CACNA1I: variants seen among roughly 807,000 people sequenced by gnomAD.
CACNA1I encodes the protein voltage-dependent T-type calcium channel subunit alpha-1I.
CACNA1I carries 74 observed loss-of-function variants against 201.6 expected under a neutral mutation model. That is an observed-to-expected ratio of 0.37 (90% CI 0.30 to 0.45). CACNA1I has a LOEUF of 0.45. Ranked by LOEUF, CACNA1I falls within the 20% of genes least tolerant of loss-of-function variation. CACNA1I has a pLI of 1.00. For synonymous variants in CACNA1I, 1,431 were observed against 1,345.2 expected, an observed-to-expected ratio of 1.06 and a Z score of -1.40; for missense variants, 2,346 against 3,138.1, an observed-to-expected ratio of 0.75 and a Z score of 6.03.
chr22:39,672,224 G>A lies in CACNA1I; in HGVS notation c.4565G>A (p.Cys1522Tyr). The A allele has an allele frequency of 2.5e-6, 4 of 1,613,620 alleles. No homozygotes were observed. Among genetic ancestry groups the A allele is most frequent in the Non-Finnish European group, 3.4e-6 (4 of 1,179,620 alleles). ...TCCCTGGAGACAGCCCTCAAGTACT[G>A]CAACTATATGTTCACCACTGTCTTT... ...PTSLETALKY[C>Y]NYMFTTVFVL... Residue 1522 changes from cysteine to tyrosine, a missense_variant, in exon 27 of 37, where the codon TGC becomes TAC. By Grantham distance (194) the Cys-to-Tyr change is radical (BLOSUM62 -2). This residue lies in a region of CACNA1I where 228 missense variants were observed against 395.7 expected (regional missense o/e 0.58). Coordinates refer to ENST00000402142, the MANE Select transcript of CACNA1I (RefSeq NM_021096.4).
intron 10 of CACNA1I, among the ~76,000 whole-genome samples, chr22:39,653,739 AG>A (rs1934730617): frequency 6.6e-6 from 1 of 152,174 alleles, no homozygotes; most frequent in African/African-American, 2.4e-5. Context: ...GTTAGATTGC[AG>A]TTGCTCAAGC....
intron 4 of CACNA1I, among the ~76,000 whole-genome samples, chr22:39,630,934 C>T (rs926109020): frequency 2.9e-4 from 44 of 152,058 alleles, no homozygotes; most frequent in South Asian, 1.7e-3. Context: ...ATGCTGGGAG[C>T]TGCCAGTCAG....
In CACNA1I at chr22:39,591,425, G is replaced by A. The variant is rs190432738; in HGVS notation, c.237-6726G>A. On this transcript the variant is annotated intron_variant, in intron 1 of 36. Transcript: ENST00000402142. ...GATCTGCTCACCCCGGCCTCCCAAA[G>A]TGCTGGGATTACAGATGTGAGCCAC... Among the ~76,000 whole-genome samples the A allele has an allele frequency of 2.6e-5, 4 of 152,198 alleles. No individual in the cohort carries two copies. The East Asian group carries it at 7.7e-4, about 29-fold the overall frequency.
intron 3 of CACNA1I, among the ~76,000 whole-genome samples, chr22:39,606,070 C>T (rs1353684823): frequency 6.6e-6 from 1 of 152,126 alleles, no homozygotes; most frequent in African/African-American, 2.4e-5. Flanking sequence ...CCAGCCTTCC[C>T]ACCATTTGTC....
At chr22:39,611,817 G>T (rs1601816221) in intron 3 of CACNA1I, among the ~76,000 whole-genome samples, 1 of 152,260 alleles carries the variant, frequency 6.6e-6, no homozygotes, top group East Asian at 1.9e-4. Context: ...GTTCCCACCT[G>T]CCTGGGTTCT....
At chr22:39,607,456 A>G (rs1933253693) in intron 3 of CACNA1I, among the ~76,000 whole-genome samples, 1 of 152,226 alleles carries the variant, frequency 6.6e-6, no homozygotes, top group Admixed American at 6.5e-5. Flanking sequence ...CCAAACGCCC[A>G]GGTGGCCCTG....
At chr22:39,675,687 T>C (rs558373350) in intron 29 of CACNA1I, among the ~76,000 whole-genome samples, 23 of 152,262 alleles carry the variant, frequency 1.5e-4, no homozygotes, top group African/African-American at 5.5e-4. Context: ...CACCAGTCTC[T>C]GCCCCAAGAA....
Position 39,686,045 on chromosome 22 carries a change from C to A in CACNA1I, c.6312C>A (p.Asp2104Glu). 8.1e-7 allele frequency: 1 copy of A among 1,237,100 alleles called. No homozygotes were observed. Among genetic ancestry groups the A allele is most frequent in the Non-Finnish European group, 1.0e-6 (1 of 994,406 alleles). 76.6% of individuals were successfully genotyped at this position (1,237,100 alleles called of 1,614,324 possible). A position where few individuals can be genotyped will look rare whatever the true frequency, so the allele number is the denominator to read the frequency against. The change falls in exon 37 of 37, where the codon GAC (aspartate) becomes GAA (glutamate). Residue 2104 changes from aspartate (D) to glutamate (E), a missense_variant. Around this residue, in one of 13 missense-constraint regions of CACNA1I, gnomAD observed 441 missense variants for 555.6 expected, o/e 0.79. Coordinates refer to ENST00000402142, the MANE Select transcript of CACNA1I (RefSeq NM_021096.4). ...GCTGCACCCACCACGACTCCATGGACCCCTCGGACGAGGAGGGCCGCGGTG... is the reference window on the plus strand; with the variant it reads ...GCTGCACCCACCACGACTCCATGGAACCCTCGGACGAGGAGGGCCGCGGTG... ...SPGCTHHDSM[D>E]PSDEEGRGGA...
In CACNA1I at chr22:39,684,331, T is replaced by C; in HGVS notation, c.5860T>C (p.Ser1954Pro). The change falls in exon 36 of 37, where the codon TCC becomes CCC. Residue 1954 changes from serine to proline, a missense_variant. Physicochemically the swap from Ser to Pro is moderately conservative, Grantham distance 74 (BLOSUM62 -1). Coordinates refer to ENST00000402142, the MANE Select transcript of CACNA1I (RefSeq NM_021096.4). The surrounding 1 kb of genome is among the most constrained non-coding windows in gnomAD (Gnocchi z 4.6). ...CCCAAGTCCCTTCTCCCCGGATGCCTCCAGCCCTCTCCTGCCCATGCCAGC... is the reference window on the plus strand; with the variant it reads ...CCCAAGTCCCTTCTCCCCGGATGCCCCCAGCCCTCTCCTGCCCATGCCAGC... ...APPSPFSPDA[S>P]SPLLPMPAEF... 1.2e-6 allele frequency: 2 copies of C among 1,613,356 alleles called. No homozygotes were observed. Among genetic ancestry groups the C allele is most frequent in the East Asian group, 2.2e-5 (1 of 44,844 alleles).
At chr22:39,577,533 T>C (rs1932399229) in intron 1 of CACNA1I, among the ~76,000 whole-genome samples, 1 of 152,254 alleles carries the variant, frequency 6.6e-6, no homozygotes, top group African/African-American at 2.4e-5. Context: ...TGGCTCGTGT[T>C]CATCCATTGT....
chr22:39,663,654 G>T, intron 18 of CACNA1I, 64 bp from the exon 19 acceptor site: 1 of 1,600,190 alleles, frequency 6.2e-7, no homozygotes, highest in Non-Finnish European at 8.5e-7. Flanking sequence ...TGGGCCCTCT[G>T]CCTTCCTTCT....
At position 39,686,110 on chromosome 22, in the gene CACNA1I, C is replaced by A; in HGVS notation, c.6377C>A (p.Thr2126Asn). ...GGGAGSEHSE[T>N]LSSLSLTSLF... The stretch of plus-strand genomic sequence containing the variant: ...GGCGCGGGCAGCGAGCACTCGGAGA[C>A]CCTCAGCAGCCTCTCGCTCACCTCC... The change falls in exon 37 of 37, where the codon ACC becomes AAC. Residue 2126 changes from threonine (T) to asparagine (N), a missense_variant. By Grantham distance (65) the Thr-to-Asn change is moderately conservative. Coordinates refer to ENST00000402142, the MANE Select transcript of CACNA1I (RefSeq NM_021096.4). 1 of 1,256,792 alleles carries A rather than the reference C, an allele frequency of 8.0e-7. No individual in the cohort carries two copies. The allele number at this position is 1,256,792 out of a possible 1,614,324, so 77.9% of individuals were successfully genotyped here. A position where few individuals can be genotyped will look rare whatever the true frequency, so the allele number is the denominator to read the frequency against.
At chr22:39,621,713 G>A (rs1253243181) in intron 4 of CACNA1I, among the ~76,000 whole-genome samples, 1 of 152,148 alleles carries the variant, frequency 6.6e-6, no homozygotes, top group Non-Finnish European at 1.5e-5. Flanking sequence ...TGAGGGTCTT[G>A]GGGAAGGGTT....
rs760533645 is a variant in CACNA1I, at chr22:39,658,153, C to T, written c.1994C>T (p.Pro665Leu). 9.9e-6 allele frequency: 16 copies of T among 1,613,692 alleles called. No individual in the cohort carries two copies. Among genetic ancestry groups the T allele is most frequent in the South Asian group, 5.5e-5 (5 of 91,062 alleles). ...VSMGIEHHEQ[P>L]EELTNILEIC... ...ATTCCCCACCCCAATGCCCCACAGCCGGAGGAGCTGACCAACATCCTGGAG... is the reference window on the plus strand; with the variant it reads ...ATTCCCCACCCCAATGCCCCACAGCTGGAGGAGCTGACCAACATCCTGGAG... The change falls in exon 11 of 37, where the codon CCG becomes CTG. Residue 665 changes from proline (P) to leucine (L), a missense_variant and splice_region_variant. Transcript: ENST00000402142.
At chr22:39,653,667 G>T (rs1261272036) in intron 10 of CACNA1I, among the ~76,000 whole-genome samples, 1 of 152,248 alleles carries the variant, frequency 6.6e-6, no homozygotes, top group Non-Finnish European at 1.5e-5. Context: ...AGGCGAGGGT[G>T]TGACATCTGT....
At chr22:39,619,695 G>T (rs933583084) in intron 4 of CACNA1I, among the ~76,000 whole-genome samples, 4 of 152,182 alleles carry the variant, frequency 2.6e-5, no homozygotes, top group Non-Finnish European at 5.9e-5. Context: ...GGGACGAAGA[G>T]TTTATGGGAG....
intron 1 of CACNA1I, among the ~76,000 whole-genome samples, chr22:39,577,008 G>A (rs1055159175): frequency 5.9e-5 from 9 of 152,074 alleles, no homozygotes; most frequent in African/African-American, 2.2e-4. Context: ...CTGGAGTGCA[G>A]TGGTGCGATC....
chr22:39,677,201 G>T lies in CACNA1I; in HGVS notation c.4855-140G>T. 1 of 612,540 alleles carries T rather than the reference G, an allele frequency of 1.6e-6. No homozygotes were observed. Among genetic ancestry groups the T allele is most frequent in the Non-Finnish European group, 2.9e-6 (1 of 342,672 alleles). 37.9% of individuals were successfully genotyped at this position (612,540 alleles called of 1,614,324 possible). A position where few individuals can be genotyped will look rare whatever the true frequency, so the allele number is the denominator to read the frequency against. On this transcript the variant is annotated intron_variant, in intron 29 of 36. Transcript: ENST00000402142. This position sits in a 1 kb window ranked among gnomAD's most constrained non-coding sequence, Gnocchi z 4.8. ...AGGTCCTGTAGGGGTGGCAGACGTG[G>T]ACACACAGCCTGGGGGAATGTTACA...
At chr22:39,683,809 T>C (rs115896352) in intron 35 of CACNA1I, among the ~76,000 whole-genome samples, 2,216 of 150,758 alleles carry the variant, frequency 0.015, 53 homozygotes, top group African/African-American at 0.051. Flanking sequence ...CCATCCAGTG[T>C]AGCGCCTGAC....
Sources: allele counts gnomAD v4.1 joint callset (sites outside exome capture counted in the v4.1 genomes callset), GRCh38; gene constraint gnomAD v4.1.1; regional missense constraint gnomAD v4.1.1; non-coding constraint Gnocchi (gnomAD v3.1); transcripts MANE v1.5; gene names NCBI Gene and HGNC (gene_info 2026-07-23, HGNC 2026-07-21).